The following NOVA1 variants were observed in gnomAD, a reference collection of about 807,000 sequenced individuals.
The protein encoded by NOVA1 is RNA-binding protein Nova-1.
In NOVA1, 7 loss-of-function variants were observed where a neutral mutation model predicts 38.0. The observed-to-expected ratio is 0.18, with a 90% CI of 0.10 to 0.35. The LOEUF is 0.35. Ranked by LOEUF, NOVA1 falls within the 10% of genes least tolerant of loss-of-function variation. The probability of loss-of-function intolerance (pLI) is 1.00; values close to 1 mark genes in which losing one functional copy is unlikely to be tolerated. For synonymous variants in NOVA1, 270 were observed against 232.5 expected (o/e 1.16, Z -1.47); for missense variants, 460 against 616.0 (o/e 0.75, Z 2.68).
chr14:26,595,564 C>A lies in NOVA1; in HGVS notation c.137-11G>T. The A allele has an allele frequency of 1.9e-6, 3 of 1,610,900 alleles. No homozygotes were observed. Among genetic ancestry groups the A allele is most frequent in the Non-Finnish European group, 2.5e-6 (3 of 1,178,862 alleles). The stretch of plus-strand genomic sequence containing the variant: ...AATACTGGCCGTCTTCTGAAAAATG[C>A]AAAGAAATATACTCGGTTAACACAG... On this transcript the variant is annotated splice_polypyrimidine_tract_variant and intron_variant, in intron 1 of 4. Coordinates refer to ENST00000539517, the MANE Select transcript of NOVA1 (RefSeq NM_002515.3).
At chr14:26,577,552 T>C (rs376697069) in intron 2 of NOVA1, among the ~76,000 whole-genome samples, 9 of 152,278 alleles carry the variant, frequency 5.9e-5, no homozygotes, top group Admixed American at 1.3e-4. Flanking sequence ...CTGTAACATT[T>C]ACTTTTGTTT....
chr14:26,443,421 A>C lies in NOVA1; in HGVS notation c.*4538T>G, dbSNP rs536289065. Reference sequence around the variant, plus strand: ...TCTGATTTGATGTACTTTATTATACAAGGTAATGCTTCAATTTTCAAGAAC... The same window carrying C: ...TCTGATTTGATGTACTTTATTATACCAGGTAATGCTTCAATTTTCAAGAAC... On this transcript the variant is annotated 3_prime_UTR_variant, in exon 5 of 5. Transcript: ENST00000539517. 25 of 152,196 alleles carry C rather than the reference A, an allele frequency of 1.6e-4. No homozygotes were observed. The highest frequency in any genetic ancestry group is 6.0e-4 in the African/African-American group (25 of 41,578). 9.4% of individuals were successfully genotyped at this position (152,196 alleles called of 1,614,324 possible).
At chr14:26,579,504 G>T (rs568598559) in intron 2 of NOVA1, among the ~76,000 whole-genome samples, 1 of 152,188 alleles carries the variant, frequency 6.6e-6, no homozygotes, top group African/African-American at 2.4e-5. Flanking sequence ...TCACAGTCAC[G>T]CAAAACAAAA....
intron 2 of NOVA1, among the ~76,000 whole-genome samples, chr14:26,588,040 T>G (rs541513015): frequency 6.6e-6 from 1 of 151,398 alleles, no homozygotes; most frequent in Non-Finnish European, 1.5e-5. Context: ...TTTGAAATCT[T>G]TTTAATTAAC....
intron 2 of NOVA1, among the ~76,000 whole-genome samples, chr14:26,547,044 A>AC (rs1374449879): frequency 6.6e-6 from 1 of 152,136 alleles, no homozygotes; most frequent in African/African-American, 2.4e-5. Flanking sequence ...ATTAAATTAA[A>AC]TTAAAATTCA....
intron 2 of NOVA1, chr14:26,549,742 G>A (rs1376524944): frequency 1.6e-6 from 2 of 1,288,876 alleles, no homozygotes; most frequent in South Asian, 1.2e-5. Context: ...AATACCTTCT[G>A]TACAGCACCA....
rs138193219 is a variant in NOVA1, at chr14:26,493,197, G to T, written c.281-13054C>A. ...ATCAGAATATCTTAAGAGTTATAGG[G>T]GCTAATAGTGACATGTGAAAATAGA... On this transcript the variant is annotated intron_variant, in intron 2 of 4. Transcript: ENST00000539517. 5.6e-4 allele frequency among the ~76,000 whole-genome samples: 85 copies of T among 152,052 alleles called. 1 individual carries two copies. The East Asian group carries it at 0.01, about 18-fold the overall frequency.
chr14:26,465,965 G>A (rs1050399517), intron 4 of NOVA1, among the ~76,000 whole-genome samples: 1 of 152,056 alleles, frequency 6.6e-6, no homozygotes, highest in Non-Finnish European at 1.5e-5. Flanking sequence ...ACGATAAAGG[G>A]AATCAGGAGT....
chr14:26,582,071 T>A (rs1893262365), intron 2 of NOVA1, among the ~76,000 whole-genome samples: 1 of 151,844 alleles, frequency 6.6e-6, no homozygotes, highest in Non-Finnish European at 1.5e-5. Flanking sequence ...CTATTAACTG[T>A]GATAGAGTCA....
intron 2 of NOVA1, among the ~76,000 whole-genome samples, chr14:26,526,975 A>T (rs1457405307): frequency 2.0e-5 from 3 of 149,082 alleles, no homozygotes; most frequent in Non-Finnish European, 3.0e-5. Flanking sequence ...CATCCTGGAG[A>T]CTTCAGAACT....
rs1480020610 is a variant in NOVA1 at position 26,597,495 on chromosome 14, CTTTTCTT to C, written c.-66_-60del. On this transcript the variant is annotated 5_prime_UTR_variant, in exon 1 of 5. Coordinates refer to ENST00000539517, the MANE Select transcript of NOVA1 (RefSeq NM_002515.3). Reference sequence around the variant, plus strand: ...GTTCTCCCTTTTGTTTTGGCTTTTTCTTTTCTTTTTTCTTTTTTTTTTTTTTTTTTTT... The same window carrying C: ...GTTCTCCCTTTTGTTTTGGCTTTTTCTTTTCTTTTTTTTTTTTTTTTTTTT... 12 of 889,248 alleles carry C rather than the reference CTTTTCTT, an allele frequency of 1.3e-5. No homozygotes were observed. In the African/African-American group the frequency reaches 2.5e-4, roughly 18 times the overall value. The allele number at this position is 889,248 out of a possible 1,614,324, so 55.1% of individuals were successfully genotyped here.
At chr14:26,581,058 T>C (rs1893188220) in intron 2 of NOVA1, among the ~76,000 whole-genome samples, 1 of 152,000 alleles carries the variant, frequency 6.6e-6, no homozygotes, top group Admixed American at 6.6e-5. Context: ...ATGAAAGAGG[T>C]ACAGATACTA....
chr14:26,512,725 G>T (rs1227818614), intron 2 of NOVA1, among the ~76,000 whole-genome samples: 1 of 151,928 alleles, frequency 6.6e-6, no homozygotes, highest in East Asian at 1.9e-4. Context: ...TCAAATTGTG[G>T]CTTCACTGGC....
intron 2 of NOVA1, among the ~76,000 whole-genome samples, chr14:26,550,185 G>C (rs1185824735): frequency 6.6e-6 from 1 of 152,036 alleles, no homozygotes; most frequent in East Asian, 1.9e-4. Context: ...TATACAACAA[G>C]ATTCTTTATT....
At chr14:26,472,526 G>A (rs1050085145) in intron 3 of NOVA1, 135 bp from the exon 4 acceptor site, 3 of 434,272 alleles carry the variant, frequency 6.9e-6, no homozygotes, top group African/African-American at 6.1e-5. Context: ...CTATTCATTT[G>A]AATTTAATGG....
At chr14:26,553,625 G>A (rs1013767362) in intron 2 of NOVA1, among the ~76,000 whole-genome samples, 1 of 152,140 alleles carries the variant, frequency 6.6e-6, no homozygotes, top group Non-Finnish European at 1.5e-5. Flanking sequence ...CTCTGCAAAA[G>A]CAAAGAGTGT....
intron 3 of NOVA1, 185 bp downstream of exon 3, chr14:26,479,792 C>A: frequency 2.0e-6 from 1 of 495,480 alleles, no homozygotes; most frequent in Non-Finnish European, 3.4e-6. Context: ...TTCAATTGAT[C>A]AATAAATTAA....
At chr14:26,488,680 A>C (rs527650172) in intron 2 of NOVA1, among the ~76,000 whole-genome samples, 2 of 152,272 alleles carry the variant, frequency 1.3e-5, no homozygotes, top group South Asian at 4.1e-4. Context: ...TAACCTTTTA[A>C]TTTCCACAAT....
intron 2 of NOVA1, among the ~76,000 whole-genome samples, chr14:26,569,976 C>T (rs902352397): frequency 6.6e-6 from 1 of 152,134 alleles, no homozygotes; most frequent in African/African-American, 2.4e-5. Context: ...CCATTTCTGG[C>T]TCTTTGCCTT....
Sources: allele counts gnomAD v4.1 joint callset (sites outside exome capture counted in the v4.1 genomes callset), GRCh38; gene constraint gnomAD v4.1.1; transcripts MANE v1.5; gene names NCBI Gene and HGNC (gene_info 2026-07-23, HGNC 2026-07-21).